Variants in MTMR14 observed in about 807,000 individuals in gnomAD.
MTMR14 encodes the protein phosphatidylinositol-3,5-bisphosphate 3-phosphatase MTMR14.
In MTMR14, 48 loss-of-function variants were observed where a neutral mutation model predicts 86.3. The ratio of observed to expected loss-of-function variants is 0.56; its 90% CI spans 0.44 to 0.71. MTMR14 has a LOEUF of 0.71. Ranked by LOEUF, MTMR14 falls within the 30% of genes least tolerant of loss-of-function variation. MTMR14 has a pLI of 0.00. For missense variants in MTMR14, 780 were observed against 834.6 expected (o/e 0.93, Z 0.81); for synonymous variants, 366 against 326.1 (o/e 1.12, Z -1.32).
intron 6 of MTMR14, among the ~76,000 whole-genome samples, chr3:9,672,475 A>G (rs9873136): frequency 0.03 from 4,514 of 152,298 alleles, 140 homozygotes; most frequent in African/African-American, 0.082. Context: ...GGGTTTCTCC[A>G]TGTTGGGAAC....
chr3:9,652,043 G>A (rs568370469), intron 1 of MTMR14, among the ~76,000 whole-genome samples: 17 of 152,128 alleles, frequency 1.1e-4, no homozygotes, highest in Admixed American at 7.9e-4. Context: ...TGTTGGCCAG[G>A]ATTATCTCAA....
intron 17 of MTMR14, among the ~76,000 whole-genome samples, chr3:9,691,211 C>G (rs1269683016): frequency 6.6e-6 from 1 of 152,208 alleles, no homozygotes; most frequent in Non-Finnish European, 1.5e-5. Context: ...CTCTTCAGCT[C>G]AGAACACTGC....
chr3:9,688,965 C>A lies in MTMR14; in HGVS notation c.1316C>A (p.Thr439Asn). The change falls in exon 16 of 19, where the codon ACC (threonine) becomes AAC (asparagine). Residue 439 changes from threonine to asparagine, a missense_variant. Physicochemically the swap from Thr to Asn is moderately conservative, Grantham distance 65 (BLOSUM62 0). Transcript: ENST00000296003. ...TTAGGACGAAAGGACCGTGGCAGCA[C>A]CACCAGCCTTGGCAGCGACTTCTCC... The part of the protein sequence containing the change: ...CMLRRKDRGS[T>N]TSLGSDFSLV... The A allele has an allele frequency of 6.2e-7, 1 of 1,614,028 alleles. No homozygotes were observed. Among genetic ancestry groups the A allele is most frequent in the Non-Finnish European group, 8.5e-7 (1 of 1,180,042 alleles).
At chr3:9,653,814 G>A in intron 2 of MTMR14, 45 bp downstream of exon 2, 3 of 1,613,248 alleles carry the variant, frequency 1.9e-6, no homozygotes, top group Non-Finnish European at 2.5e-6. Flanking sequence ...GGAGTCCGTG[G>A]CAGCTAATCC....
intron 2 of MTMR14, among the ~76,000 whole-genome samples, chr3:9,654,682 G>T (rs1195101485): frequency 6.6e-6 from 1 of 152,242 alleles, no homozygotes; most frequent in African/African-American, 2.4e-5. Context: ...GTGAAATGTT[G>T]TGAGGAGTAC....
At chr3:9,697,318 C>T (rs941232790) in intron 17 of MTMR14, among the ~76,000 whole-genome samples, 2 of 152,072 alleles carry the variant, frequency 1.3e-5, no homozygotes, top group Non-Finnish European at 2.9e-5. Flanking sequence ...ATGGGTGACC[C>T]GGCTGGCTGC....
At chr3:9,676,623 C>G (rs974726905) in intron 7 of MTMR14, among the ~76,000 whole-genome samples, 1 of 152,218 alleles carries the variant, frequency 6.6e-6, no homozygotes, top group African/African-American at 2.4e-5. Flanking sequence ...ACTTGTTCAG[C>G]GTTACAGTGT....
chr3:9,664,318 G>T (rs992743681), intron 3 of MTMR14, among the ~76,000 whole-genome samples: 2 of 151,200 alleles, frequency 1.3e-5, no homozygotes, highest in African/African-American at 4.9e-5. Flanking sequence ...GTAGCAGAGA[G>T]GCCTGTGTTA....
chr3:9,652,777 A>G (rs937502117), intron 1 of MTMR14, among the ~76,000 whole-genome samples: 3 of 151,766 alleles, frequency 2.0e-5, no homozygotes, highest in Admixed American at 6.6e-5. Flanking sequence ...ATCACTTGAG[A>G]TCAGGAGTTC....
chr3:9,657,011 C>T (rs2047644801), intron 2 of MTMR14, among the ~76,000 whole-genome samples: 1 of 152,072 alleles, frequency 6.6e-6, no homozygotes, highest in African/African-American at 2.4e-5. Context: ...CCCCTGGGCT[C>T]AAGTGATTCT....
intron 18 of MTMR14, chr3:9,700,085 G>C (rs2125429635): frequency 6.6e-6 from 1 of 152,294 alleles, no homozygotes; most frequent in Middle Eastern, 3.4e-3. Context: ...CCACCGATCT[G>C]CTTTCCCTAG....
In MTMR14 at chr3:9,701,947, C is replaced by G. The variant is rs777046881; in HGVS notation, c.1927C>G (p.Arg643Gly). Residue 643 changes from arginine (R) to glycine (G), a missense_variant, in exon 19 of 19, where the codon CGG (arginine) becomes GGG (glycine). Transcript: ENST00000296003. The surrounding 1 kb of genome is among the most constrained non-coding windows in gnomAD (Gnocchi z 4.2). ...LEQFARGVGLRSISSNAL is the reference protein window; with the variant it reads ...LEQFARGVGLGSISSNAL ...GCAATTTGCCCGTGGTGTTGGACTC[C>G]GGAGCATCAGCAGCAATGCCTTGTG... 2.5e-6 allele frequency: 4 copies of G among 1,614,052 alleles called. No homozygotes were observed. In the African/African-American group the frequency reaches 5.3e-5, roughly 22 times the overall value.
chr3:9,698,860 C>T (rs1050317071), intron 18 of MTMR14, among the ~76,000 whole-genome samples: 5 of 151,398 alleles, frequency 3.3e-5, no homozygotes, highest in Non-Finnish European at 5.9e-5. Flanking sequence ...CTTAGATGTT[C>T]GAAGGCTTAA....
At chr3:9,651,504 A>G (rs2047290587) in intron 1 of MTMR14, among the ~76,000 whole-genome samples, 1 of 152,042 alleles carries the variant, frequency 6.6e-6, no homozygotes, top group Non-Finnish European at 1.5e-5. Flanking sequence ...TACACCTCAT[A>G]TTGGCTGCGG....
chr3:9,658,922 G>A (rs1343069798), intron 2 of MTMR14, among the ~76,000 whole-genome samples: 1 of 152,202 alleles, frequency 6.6e-6, no homozygotes, highest in African/African-American at 2.4e-5. Flanking sequence ...GGGCATGGTG[G>A]CTCACGCCTA....
At chr3:9,661,642 A>C (rs906544948) in intron 2 of MTMR14, among the ~76,000 whole-genome samples, 1 of 152,180 alleles carries the variant, frequency 6.6e-6, no homozygotes, top group South Asian at 2.1e-4. Context: ...TTATCCTGGG[A>C]GTTAAAAATT....
chr3:9,692,014 A>C (rs898743723), intron 17 of MTMR14, among the ~76,000 whole-genome samples: 1 of 152,142 alleles, frequency 6.6e-6, no homozygotes, highest in Non-Finnish European at 1.5e-5. Flanking sequence ...TCAGATTTGG[A>C]GCATTCTAAT....
chr3:9,669,322 T>C, intron 4 of MTMR14, 110 bp from the exon 5 acceptor site: 1 of 1,031,750 alleles, frequency 9.7e-7, no homozygotes, highest in South Asian at 1.5e-5. Flanking sequence ...AGTAGAGCCA[T>C]GTAGTCCCAG....
intron 13 of MTMR14, among the ~76,000 whole-genome samples, chr3:9,686,927 T>C (rs1453257021): frequency 6.6e-6 from 1 of 152,084 alleles, no homozygotes; most frequent in Non-Finnish European, 1.5e-5. Flanking sequence ...GTGGCTGGGG[T>C]CAGGAGCCTC....
Sources: gnomAD v4.1 joint callset for allele counts (sites outside exome capture counted in the v4.1 genomes callset) on GRCh38, gnomAD v4.1.1 for gene constraint, Gnocchi (gnomAD v3.1) non-coding constraint, MANE v1.5 for transcripts, NCBI Gene and HGNC (gene_info 2026-07-23, HGNC 2026-07-21) for gene names.